Variants in DZIP3 observed in about 807,000 individuals in gnomAD.
The protein encoded by DZIP3 is DAZ interacting zinc finger protein 3.
Under a neutral mutation model 162.0 loss-of-function variants are expected in DZIP3, and 118 were observed. The ratio of observed to expected loss-of-function variants is 0.73; its 90% CI spans 0.63 to 0.85. The LOEUF is 0.85. Among genes scored for constraint, DZIP3 ranks in the 40% least tolerant of loss-of-function variants. The pLI is 0.00. For missense variants in DZIP3, 1,331 were observed against 1,407.0 expected (o/e 0.95, Z 0.86); for synonymous variants, 438 against 458.6 (o/e 0.96, Z 0.57).
intron 1 of DZIP3, among the ~76,000 whole-genome samples, chr3:108,604,455 T>C (rs1400269196): frequency 1.3e-5 from 2 of 152,204 alleles, no homozygotes; most frequent in African/African-American, 4.8e-5. Context: ...GCTTGAACTT[T>C]CAGTAAGAAG....
chr3:108,617,408 ATTCTGTC>A (rs1264122264), intron 5 of DZIP3, among the ~76,000 whole-genome samples: 1 of 144,332 alleles, frequency 6.9e-6, no homozygotes, highest in Non-Finnish European at 1.5e-5. Flanking sequence ...AAGAAAAAAT[ATTCTGTC>A]TTTTTAAACC....
chr3:108,633,146 A>C (rs1482359101), intron 9 of DZIP3, 74 bp downstream of exon 9: 1 of 659,704 alleles, frequency 1.5e-6, no homozygotes, highest in Non-Finnish European at 2.0e-6. Flanking sequence ...AAAATAATAA[A>C]AATTATATTA....
intron 12 of DZIP3, among the ~76,000 whole-genome samples, chr3:108,640,948 TG>T (rs770482918): frequency 2.5e-4 from 38 of 151,774 alleles, no homozygotes; most frequent in Non-Finnish European, 3.2e-4. Context: ...GCTTTTAAAT[TG>T]TTTTTTTTTT....
Position 108,644,361 on chromosome 3 carries a change from G to T in DZIP3, c.1339G>T (p.Gly447Ter), listed in dbSNP as rs1255209930. The change falls in exon 14 of 33, where the codon GGA becomes TGA. Residue 447 changes from glycine (G) to a stop codon, truncating the protein, a stop_gained. Coordinates refer to ENST00000361582, the MANE Select transcript of DZIP3 (RefSeq NM_014648.4). LOFTEE classifies it high-confidence loss of function. ...TCTTTGGACCAATCATCCTTTGGGTGGATCATGGCATCTGCTTTATCCTCC... is the reference window on the plus strand; with the variant it reads ...TCTTTGGACCAATCATCCTTTGGGTTGATCATGGCATCTGCTTTATCCTCC... ...NHLWTNHPLG[G>*]SWHLLYPPNK... 1 of 1,614,054 alleles carries T rather than the reference G, an allele frequency of 6.2e-7. No individual in the cohort carries two copies. The highest frequency in any genetic ancestry group is 2.2e-5 in the East Asian group (1 of 44,868).
At chr3:108,614,363 A>G (rs1242038270) in intron 4 of DZIP3, among the ~76,000 whole-genome samples, 2 of 152,224 alleles carry the variant, frequency 1.3e-5, no homozygotes, top group Middle Eastern at 3.2e-3. Context: ...TCTCATAGCA[A>G]CCTGCCTCTG....
intron 26 of DZIP3, among the ~76,000 whole-genome samples, chr3:108,678,795 C>A (rs968819738): frequency 6.6e-6 from 1 of 151,956 alleles, no homozygotes; most frequent in Admixed American, 6.6e-5. Flanking sequence ...TATCACCACT[C>A]CTGCTTATAA....
intron 32 of DZIP3, 74 bp downstream of exon 32, chr3:108,690,977 G>A (rs922219181): frequency 3.1e-6 from 4 of 1,279,128 alleles, no homozygotes; most frequent in Admixed American, 1.9e-5. Flanking sequence ...GTAAAACTAT[G>A]TGCTCTTCAA....
chr3:108,611,422 A>C, intron 4 of DZIP3, 93 bp downstream of exon 4: 1 of 1,448,394 alleles, frequency 6.9e-7, no homozygotes, highest in South Asian at 1.3e-5. Flanking sequence ...CAGTATAGCC[A>C]AGGTCTTGAA....
At chr3:108,679,248 C>A (rs1375443866) in intron 26 of DZIP3, among the ~76,000 whole-genome samples, 1 of 152,054 alleles carries the variant, frequency 6.6e-6, no homozygotes, top group Non-Finnish European at 1.5e-5. Flanking sequence ...TTTGGAGTTT[C>A]CTGGAACCAG....
intron 23 of DZIP3, among the ~76,000 whole-genome samples, chr3:108,673,398 C>T (rs1217340043): frequency 1.3e-5 from 2 of 151,776 alleles, no homozygotes; most frequent in African/African-American, 4.8e-5. Context: ...TTTAAAAGCT[C>T]GTTTGTATAG....
intron 19 of DZIP3, among the ~76,000 whole-genome samples, chr3:108,654,660 T>C (rs998802497): frequency 6.6e-6 from 1 of 152,298 alleles, no homozygotes; most frequent in Non-Finnish European, 1.5e-5. Flanking sequence ...AAAAATAGTT[T>C]TGTAATATAA....
intron 27 of DZIP3, 104 bp downstream of exon 27, chr3:108,684,445 T>C: frequency 4.4e-6 from 6 of 1,367,080 alleles, no homozygotes; most frequent in Non-Finnish European, 6.0e-6. Flanking sequence ...GATATGATAA[T>C]GATGGGGGTG....
chr3:108,652,766 A>T (rs1180469582), intron 18 of DZIP3, among the ~76,000 whole-genome samples: 1 of 151,750 alleles, frequency 6.6e-6, no homozygotes, highest in Non-Finnish European at 1.5e-5. Context: ...TTTTACTGTA[A>T]TTTTTCTATG....
At chr3:108,654,471 T>G in intron 19 of DZIP3, 161 bp downstream of exon 19, 1 of 732,678 alleles carries the variant, frequency 1.4e-6, no homozygotes, top group Non-Finnish European at 2.2e-6. Context: ...TGAAGGAAAA[T>G]AGAATAAGGA....
At position 108,668,809 on chromosome 3, in the gene DZIP3, A is replaced by G. The variant is rs906178054; in HGVS notation, c.2424-872A>G. ...TCTGAAATCTGGTAGTGAGCAATCC[A>G]TCCAACATTAAAGTCGTCATTTCAA... On this transcript the variant is annotated intron_variant, in intron 21 of 32. Coordinates refer to ENST00000361582, the MANE Select transcript of DZIP3 (RefSeq NM_014648.4). Among the ~76,000 whole-genome samples, 4 of 151,984 alleles carry G rather than the reference A, an allele frequency of 2.6e-5. No individual in the cohort carries two copies. The East Asian group carries it at 7.7e-4, about 29-fold the overall frequency.
chr3:108,645,285 A>T (rs1031380110), intron 14 of DZIP3, among the ~76,000 whole-genome samples: 1 of 152,176 alleles, frequency 6.6e-6, no homozygotes, highest in African/African-American at 2.4e-5. Context: ...TCCAAAATTA[A>T]TAAAGTTTAA....
intron 1 of DZIP3, among the ~76,000 whole-genome samples, chr3:108,597,074 T>A (rs539910096): frequency 6.6e-6 from 1 of 152,314 alleles, no homozygotes; most frequent in Admixed American, 6.5e-5. Context: ...TAGTGTCAAC[T>A]CATATTTTTC....
At chr3:108,633,193 A>G (rs997428365) in intron 9 of DZIP3, 121 bp downstream of exon 9, 5 of 396,998 alleles carry the variant, frequency 1.3e-5, no homozygotes, top group Non-Finnish European at 1.5e-5. Context: ...TAGTTTAATT[A>G]CAATGGTAAA....
chr3:108,680,414 A>C (rs1409283947), intron 26 of DZIP3, among the ~76,000 whole-genome samples: 1 of 151,908 alleles, frequency 6.6e-6, no homozygotes, highest in African/African-American at 2.4e-5. Context: ...CCACTTAAAA[A>C]CTCCTAAAAC....
Sources: gnomAD v4.1 joint callset for allele counts (sites outside exome capture counted in the v4.1 genomes callset) on GRCh38, gnomAD v4.1.1 for gene constraint, MANE v1.5 for transcripts, NCBI Gene and HGNC (gene_info 2026-07-23, HGNC 2026-07-21) for gene names.